PPP2R5A: variants seen among roughly 807,000 people sequenced by gnomAD.
The protein encoded by PPP2R5A is serine/threonine-protein phosphatase 2A 56 kDa regulatory subunit alpha isoform.
A neutral mutation model predicts 64.2 loss-of-function variants in PPP2R5A; 25 were observed. The observed-to-expected ratio is 0.39, with a 90% confidence interval of 0.28 to 0.54. The LOEUF (loss-of-function observed/expected upper bound fraction) is 0.54, where lower values mean the gene tolerates loss of function less well. PPP2R5A is among the 20% of genes least tolerant of loss of function. PPP2R5A has a pLI of 0.67. For missense variants in PPP2R5A, 425 were observed against 576.3 expected (o/e 0.74, Z 2.69); for synonymous variants, 198 against 201.2 (o/e 0.98, Z 0.13).
chr1:212,318,723 A>C (rs1474860061), intron 1 of PPP2R5A, among the ~76,000 whole-genome samples: 4 of 152,238 alleles, frequency 2.6e-5, no homozygotes, highest in African/African-American at 9.6e-5. Context: ...AGGGAGGAAG[A>C]ATCTATACAG....
At chr1:212,327,786 A>G (rs1659432978) in intron 1 of PPP2R5A, among the ~76,000 whole-genome samples, 1 of 151,908 alleles carries the variant, frequency 6.6e-6, no homozygotes, top group Non-Finnish European at 1.5e-5. Context: ...AGAGAGAGAG[A>G]AAGACAGAGA....
At chr1:212,293,748 T>G (rs976950696) in intron 1 of PPP2R5A, among the ~76,000 whole-genome samples, 1 of 152,096 alleles carries the variant, frequency 6.6e-6, no homozygotes, top group African/African-American at 2.4e-5. Context: ...ACAAGGGATT[T>G]CTTGGAAACA....
chr1:212,298,874 G>C (rs1210307931), intron 1 of PPP2R5A, among the ~76,000 whole-genome samples: 1 of 41,682 alleles, frequency 2.4e-5, no homozygotes, highest in Non-Finnish European at 4.4e-5. Context: ...TGGCCAGGCG[G>C]GGGGCTGACC....
At chr1:212,312,871 G>T (rs942746636) in intron 1 of PPP2R5A, among the ~76,000 whole-genome samples, 1 of 152,036 alleles carries the variant, frequency 6.6e-6, no homozygotes, top group Non-Finnish European at 1.5e-5. Flanking sequence ...AATAGAATGA[G>T]ATATTTTGAT....
At position 212,360,768 on chromosome 1, in the gene PPP2R5A, T is replaced by TAAA; in HGVS notation, c.*5_*7dup. ...TATTCTCAGCAATACAAGTGCCGAA[T>TAAA]AAAAAAAAAGCCTCCCACCTCTGCC... On this transcript the variant is annotated inframe_insertion and stop_retained_variant, in exon 13 of 13. Coordinates refer to ENST00000261461, the MANE Select transcript of PPP2R5A (RefSeq NM_006243.4). 1 of 1,502,018 alleles carries TAAA rather than the reference T, an allele frequency of 6.7e-7. No homozygotes were observed. Among genetic ancestry groups the TAAA allele is most frequent in the South Asian group, 1.4e-5 (1 of 72,510 alleles). The allele number at this position is 1,502,018 out of a possible 1,614,324, so 93.0% of individuals were successfully genotyped here. A position where few individuals can be genotyped will look rare whatever the true frequency, so the allele number is the denominator to read the frequency against.
At chr1:212,321,185 C>CG (rs1360553327) in intron 1 of PPP2R5A, among the ~76,000 whole-genome samples, 1 of 145,448 alleles carries the variant, frequency 6.9e-6, no homozygotes, top group Admixed American at 6.7e-5. Flanking sequence ...GCTGGCCAGG[C>CG]GGGGGGCTGA....
chr1:212,320,868 A>T (rs868361253), intron 1 of PPP2R5A, among the ~76,000 whole-genome samples: 68 of 104,652 alleles, frequency 6.5e-4, no homozygotes, highest in Middle Eastern at 7.7e-3. Flanking sequence ...GGGGCTCCTC[A>T]CTTCCCAGTA....
At chr1:212,352,455 T>G (rs751321037) in intron 8 of PPP2R5A, among the ~76,000 whole-genome samples, 12 of 132,766 alleles carry the variant, frequency 9.0e-5, no homozygotes, top group South Asian at 2.3e-4. Context: ...GTGTTTTGGG[T>G]TTTTTTTTTT....
chr1:212,322,518 A>G (rs1301785670), intron 1 of PPP2R5A, among the ~76,000 whole-genome samples: 2 of 152,124 alleles, frequency 1.3e-5, no homozygotes, highest in Admixed American at 6.5e-5. Context: ...TTGTTACAGG[A>G]TAACTACTAT....
At position 212,298,452 on chromosome 1, in the gene PPP2R5A, A is replaced by AC. The variant is rs1252864910; in HGVS notation, c.181+12168dup. On this transcript the variant is annotated intron_variant, in intron 1 of 12. Coordinates refer to ENST00000261461, the MANE Select transcript of PPP2R5A (RefSeq NM_006243.4). Reference sequence around the variant, plus strand: ...GGGCGGCTGGCCGGGCGGGGGGCTGACCCCCCCACCGCCCTCCCGGACGGG... The same window carrying AC: ...GGGCGGCTGGCCGGGCGGGGGGCTGACCCCCCCCACCGCCCTCCCGGACGGG... Among the ~76,000 whole-genome samples, 13 of 24,920 alleles carry AC rather than the reference A, an allele frequency of 5.2e-4. 3 individuals carry two copies. Among genetic ancestry groups the AC allele is most frequent in the Admixed American group, 3.3e-4 (1 of 2,998 alleles). 16.3% of individuals were successfully genotyped at this position (24,920 alleles called of 152,430 possible).
At chr1:212,322,089 G>C (rs1404419868) in intron 1 of PPP2R5A, among the ~76,000 whole-genome samples, 1 of 151,434 alleles carries the variant, frequency 6.6e-6, no homozygotes, top group Non-Finnish European at 1.5e-5. Context: ...TCGGCAGGCT[G>C]AGGCAGGAGA....
At chr1:212,296,383 C>T (rs1163898483) in intron 1 of PPP2R5A, among the ~76,000 whole-genome samples, 2 of 152,198 alleles carry the variant, frequency 1.3e-5, no homozygotes, top group Non-Finnish European at 2.9e-5. Flanking sequence ...TAACTATATT[C>T]TTTACTAATG....
At position 212,286,254 on chromosome 1, in the gene PPP2R5A, C is replaced by A. The variant is rs767809717; in HGVS notation, c.144C>A (p.Gly48=). 1.3e-6 allele frequency: 2 copies of A among 1,545,656 alleles called. No homozygotes were observed. The highest frequency in any genetic ancestry group is 1.7e-6 in the Non-Finnish European group (2 of 1,147,980). ...SQGSSQFRSQ[G]SQAELHPLPQ... The stretch of plus-strand genomic sequence containing the variant: ...GCTCGTCGCAGTTTCGCAGCCAGGG[C>A]AGCCAGGCAGAGCTGCACCCGCTGC... Residue 48 remains glycine (G), a synonymous_variant, in exon 1 of 13, where the codon GGC becomes GGA. Transcript: ENST00000261461.
chr1:212,320,490 C>T (rs1659251991), intron 1 of PPP2R5A, among the ~76,000 whole-genome samples: 3 of 152,140 alleles, frequency 2.0e-5, no homozygotes, highest in Admixed American at 6.5e-5. Context: ...GGTGGCTGGA[C>T]AGAGGGGCTC....
intron 1 of PPP2R5A, among the ~76,000 whole-genome samples, chr1:212,295,948 G>T (rs2102411771): frequency 6.6e-6 from 1 of 152,226 alleles, no homozygotes; most frequent in East Asian, 1.9e-4. Context: ...ATAGCTACTG[G>T]GTAGAGAATG....
chr1:212,340,884 T>TAC (rs1659675083), intron 3 of PPP2R5A, among the ~76,000 whole-genome samples: 1 of 152,226 alleles, frequency 6.6e-6, no homozygotes, highest in African/African-American at 2.4e-5. Context: ...CTCTAAGGTC[T>TAC]ATTAATTTAA....
intron 1 of PPP2R5A, among the ~76,000 whole-genome samples, chr1:212,304,320 G>T (rs1658854901): frequency 6.6e-6 from 1 of 152,124 alleles, no homozygotes; most frequent in South Asian, 2.1e-4. Context: ...GGAGGCCGAG[G>T]TGGGTGGATC....
At position 212,305,028 on chromosome 1, in the gene PPP2R5A, G is replaced by A. The variant is rs1160345308; in HGVS notation, c.181+18737G>A. On this transcript the variant is annotated intron_variant, in intron 1 of 12. Coordinates refer to ENST00000261461, the MANE Select transcript of PPP2R5A (RefSeq NM_006243.4). ...TTACAGGTGGGAGCTGCCACACCCGGCCCCCAATTTTTTTTTTTTTTTTTT... is the reference window on the plus strand; with the variant it reads ...TTACAGGTGGGAGCTGCCACACCCGACCCCCAATTTTTTTTTTTTTTTTTT... Among the ~76,000 whole-genome samples the A allele has an allele frequency of 4.2e-5, 6 of 143,766 alleles. No individual in the cohort carries two copies. The East Asian group carries it at 1.0e-3, about 24-fold the overall frequency. 94.3% of individuals were successfully genotyped at this position (143,766 alleles called of 152,430 possible).
chr1:212,359,287 C>T (rs771005627), intron 12 of PPP2R5A, among the ~76,000 whole-genome samples: 2 of 152,120 alleles, frequency 1.3e-5, no homozygotes, highest in African/African-American at 2.4e-5. Context: ...GTAATTCTTA[C>T]GCTGTGGATT....
Sources: gnomAD v4.1 joint callset for allele counts (sites outside exome capture counted in the v4.1 genomes callset) on GRCh38, gnomAD v4.1.1 for gene constraint, MANE v1.5 for transcripts, NCBI Gene and HGNC (gene_info 2026-07-23, HGNC 2026-07-21) for gene names.